The following SH3RF2 variants were observed in gnomAD, a reference collection of about 807,000 sequenced individuals.
The protein encoded by SH3RF2 is SH3 domain containing ring finger 2.
SH3RF2 carries 43 observed loss-of-function variants against 59.0 expected under a neutral mutation model. The observed-to-expected ratio is 0.73, with a 90% CI of 0.57 to 0.94. The LOEUF (loss-of-function observed/expected upper bound fraction) is 0.94. Ranked by LOEUF, SH3RF2 falls within the 40% of genes least tolerant of loss-of-function variation. The pLI, the probability that SH3RF2 is intolerant of heterozygous loss-of-function variation, is 0.00. For missense variants in SH3RF2, 930 were observed against 940.1 expected (o/e 0.99, Z 0.14); for synonymous variants, 391 against 391.5 (o/e 1.00, Z 0.01).
At chr5:146,008,667 A>G (rs1760749386) in intron 4 of SH3RF2, among the ~76,000 whole-genome samples, 1 of 152,152 alleles carries the variant, frequency 6.6e-6, no homozygotes, top group Non-Finnish European at 1.5e-5. Flanking sequence ...TACTCTTTTT[A>G]ACATCCAGTT....
At chr5:146,007,691 G>T (rs758038) in intron 4 of SH3RF2, among the ~76,000 whole-genome samples, 1 of 152,020 alleles carries the variant, frequency 6.6e-6, no homozygotes, top group Non-Finnish European at 1.5e-5. Flanking sequence ...TTTGGATACA[G>T]TTTCCTGACA....
rs531941442 is a variant in SH3RF2, at chr5:145,961,620, G to T, written c.378+23314G>T. 6.6e-5 allele frequency among the ~76,000 whole-genome samples: 10 copies of T among 152,242 alleles called. 1 individual carries two copies. The highest frequency in any genetic ancestry group is 2.2e-4 in the African/African-American group (9 of 41,550). ...CCTGGCCATGTTCTATAACCACAGT[G>T]GTGTTTTATCATTTTAACTGAAGTC... On this transcript the variant is annotated intron_variant, in intron 2 of 9. Transcript: ENST00000359120.
intron 6 of SH3RF2, among the ~76,000 whole-genome samples, chr5:146,048,158 T>A (rs1762373165): frequency 1.3e-5 from 2 of 151,796 alleles, no homozygotes; most frequent in Admixed American, 6.6e-5. Context: ...ACAAAAAAAA[T>A]TTAAAAATTA....
chr5:146,059,533 C>CGT (rs1354314083), intron 8 of SH3RF2, among the ~76,000 whole-genome samples: 5 of 151,798 alleles, frequency 3.3e-5, no homozygotes, highest in Admixed American at 6.6e-5. Flanking sequence ...GCTTCACGCG[C>CGT]GCGTGTGTGT....
intron 2 of SH3RF2, among the ~76,000 whole-genome samples, chr5:145,993,144 A>G (rs571856576): frequency 6.6e-6 from 1 of 152,132 alleles, no homozygotes; most frequent in Non-Finnish European, 1.5e-5. Flanking sequence ...TCAAATCTTA[A>G]AGCTTCCAAA....
intron 5 of SH3RF2, among the ~76,000 whole-genome samples, chr5:146,034,263 C>G (rs1761847822): frequency 6.6e-6 from 1 of 152,182 alleles, no homozygotes; most frequent in South Asian, 2.1e-4. Flanking sequence ...GCCCAAACAG[C>G]CTGGGTCCTG....
intron 5 of SH3RF2, among the ~76,000 whole-genome samples, chr5:146,032,258 C>T (rs1182189612): frequency 1.3e-5 from 2 of 152,098 alleles, no homozygotes; most frequent in African/African-American, 2.4e-5. Flanking sequence ...GCAAGTCAAG[C>T]AAACCAACCT....
chr5:145,943,370 A>G (rs1757892177), intron 2 of SH3RF2, among the ~76,000 whole-genome samples: 1 of 152,324 alleles, frequency 6.6e-6, no homozygotes, highest in Admixed American at 6.5e-5. Context: ...GGGCAGAATG[A>G]GGTGATAGAA....
intron 2 of SH3RF2, among the ~76,000 whole-genome samples, chr5:145,953,514 C>T (rs957940261): frequency 6.6e-6 from 1 of 152,142 alleles, no homozygotes. Flanking sequence ...TTAGGCCATT[C>T]TTGCATTGCT....
chr5:146,075,921 G>C (rs970575424), intron 9 of SH3RF2, among the ~76,000 whole-genome samples: 5 of 151,542 alleles, frequency 3.3e-5, no homozygotes, highest in African/African-American at 1.2e-4. Context: ...ATTATTACCT[G>C]CCTAATCCCA....
At chr5:146,059,472 A>G (rs542885696) in intron 8 of SH3RF2, among the ~76,000 whole-genome samples, 2 of 150,126 alleles carry the variant, frequency 1.3e-5, no homozygotes, top group Non-Finnish European at 3.0e-5. Context: ...TCTATTTCCT[A>G]TCTCTGATTC....
At chr5:145,943,987 G>A (rs967147007) in intron 2 of SH3RF2, among the ~76,000 whole-genome samples, 5 of 152,128 alleles carry the variant, frequency 3.3e-5, no homozygotes, top group Non-Finnish European at 7.3e-5. Context: ...GAAGAAATGT[G>A]CCTATTCAGC....
chr5:146,022,015 T>C (rs894415638), intron 5 of SH3RF2, among the ~76,000 whole-genome samples: 5 of 152,248 alleles, frequency 3.3e-5, no homozygotes, highest in African/African-American at 9.6e-5. Context: ...AATCAGTTGC[T>C]GGATTGCTCT....
At chr5:145,981,217 C>A (rs1057218031) in intron 2 of SH3RF2, among the ~76,000 whole-genome samples, 2 of 152,116 alleles carry the variant, frequency 1.3e-5, no homozygotes, top group African/African-American at 2.4e-5. Context: ...ACCTCAGCCT[C>A]CCAATTAGCT....
chr5:145,963,302 A>C (rs1472311015), intron 2 of SH3RF2, among the ~76,000 whole-genome samples: 1 of 152,074 alleles, frequency 6.6e-6, no homozygotes, highest in African/African-American at 2.4e-5. Context: ...ATAACTATAC[A>C]TTTATAGAGG....
chr5:146,029,554 A>G (rs1006949866), intron 5 of SH3RF2, among the ~76,000 whole-genome samples: 1 of 152,144 alleles, frequency 6.6e-6, no homozygotes, highest in Admixed American at 6.5e-5. Flanking sequence ...CCTGGGGGCC[A>G]TGCTGGGCTC....
intron 2 of SH3RF2, among the ~76,000 whole-genome samples, chr5:145,944,234 T>C (rs1242777505): frequency 2.0e-5 from 3 of 152,170 alleles, no homozygotes; most frequent in African/African-American, 4.8e-5. Context: ...TCAACTAGTA[T>C]GTATTCTGCA....
intron 5 of SH3RF2, among the ~76,000 whole-genome samples, chr5:146,022,869 A>G (rs552566374): frequency 0.025 from 3,564 of 141,064 alleles, 165 homozygotes; most frequent in African/African-American, 0.091. Flanking sequence ...GCAAGGCTCC[A>G]TCTAAACACA....
intron 5 of SH3RF2, among the ~76,000 whole-genome samples, chr5:146,019,344 C>T (rs1354762652): frequency 1.3e-5 from 2 of 152,062 alleles, no homozygotes; most frequent in African/African-American, 2.4e-5. Flanking sequence ...TCAGTTTTCC[C>T]AACACCATTT....
Sources: gnomAD v4.1 joint callset for allele counts (sites outside exome capture counted in the v4.1 genomes callset) on GRCh38, gnomAD v4.1.1 for gene constraint, MANE v1.5 for transcripts, NCBI Gene and HGNC (gene_info 2026-07-23, HGNC 2026-07-21) for gene names.